SLC27A5: variants seen among roughly 807,000 people sequenced by gnomAD.
The protein encoded by SLC27A5 is solute carrier family 27 member 5.
In SLC27A5, 47 loss-of-function variants were observed where a neutral mutation model predicts 63.1. The observed-to-expected ratio is 0.74, with a 90% CI of 0.59 to 0.95. The LOEUF is 0.95. Among genes scored for constraint, SLC27A5 ranks in the 40% least tolerant of loss-of-function variants. SLC27A5 has a pLI of 0.00. For missense variants in SLC27A5, 940 were observed against 921.0 expected (o/e 1.02, Z -0.27); for synonymous variants, 391 against 403.8 (o/e 0.97, Z 0.38).
At chr19:58,501,260 A>G in intron 4 of SLC27A5, 26 bp downstream of exon 4, 1 of 1,609,408 alleles carries the variant, frequency 6.2e-7, no homozygotes, top group East Asian at 2.2e-5. Context: ...GGTGTTCACC[A>G]TGGAGCCCTA....
rs180673903 is a variant in SLC27A5 at position 58,503,165 on chromosome 19, A to G, written c.1058-1755T>C. Among the ~76,000 whole-genome samples, 338 of 151,164 alleles carry G rather than the reference A, an allele frequency of 2.2e-3. 2 individuals are homozygous for G. The East Asian group carries it at 0.024, about 11-fold the overall frequency. Reference sequence around the variant, plus strand: ...GCTTGCAGTGAGCCGAGATAGCGCCACTGCACTCCAGCCTGGGCGACAGAG... The same window carrying G: ...GCTTGCAGTGAGCCGAGATAGCGCCGCTGCACTCCAGCCTGGGCGACAGAG... On this transcript the variant is annotated intron_variant, in intron 3 of 9. Transcript: ENST00000263093.
At chr19:58,501,251 G>T (rs2053270312) in intron 4 of SLC27A5, 35 bp downstream of exon 4, 2 of 1,602,908 alleles carry the variant, frequency 1.2e-6, no homozygotes, top group East Asian at 4.5e-5. Context: ...TCATACTTGG[G>T]TGTTCACCAT....
chr19:58,511,866 G>A lies in SLC27A5; in HGVS notation c.90C>T (p.Ala30=), dbSNP rs968262270. The A allele has an allele frequency of 6.4e-7, 1 of 1,555,652 alleles. No individual in the cohort carries two copies. The highest frequency in any genetic ancestry group is 8.7e-7 in the Non-Finnish European group (1 of 1,149,988). The change falls in exon 1 of 10, where the codon GCC becomes GCT. Residue 30 remains alanine (A), a synonymous_variant. Coordinates refer to ENST00000263093, the MANE Select transcript of SLC27A5 (RefSeq NM_012254.3). ...CCCCCAGGAGCCAGCGCAGGGTCAA[G>A]GCCACAGCGACTGGCCACACTGGCT... The part of the protein sequence containing the change: ...LGQPVWPVAV[A]LTLRWLLGDP...
chr19:58,500,799 C>T lies in SLC27A5; in HGVS notation c.1183-93G>A, dbSNP rs2053266280. 3.9e-6 allele frequency: 6 copies of T among 1,529,880 alleles called. No homozygotes were observed. In the Admixed American group the frequency reaches 1.2e-4, roughly 29 times the overall value. 94.8% of individuals were successfully genotyped at this position (1,529,880 alleles called of 1,614,324 possible). On this transcript the variant is annotated intron_variant, in intron 4 of 9. Transcript: ENST00000263093. Reference sequence around the variant, plus strand: ...GAGGGGGTGTTATCCTGGGTCCTTACCTTGGGAGTTACCTGGAAGGTGATG... The same window carrying T: ...GAGGGGGTGTTATCCTGGGTCCTTATCTTGGGAGTTACCTGGAAGGTGATG...
chr19:58,506,203 A>T (rs1282344658), intron 3 of SLC27A5, among the ~76,000 whole-genome samples: 1 of 151,864 alleles, frequency 6.6e-6, no homozygotes, highest in Non-Finnish European at 1.5e-5. Flanking sequence ...CAGGGATTAT[A>T]GGCATGAGGA....
Position 58,510,183 on chromosome 19 carries a change from T to C in SLC27A5, c.899-178A>G, listed in dbSNP as rs2053394125. On this transcript the variant is annotated intron_variant, in intron 2 of 9. Coordinates refer to ENST00000263093, the MANE Select transcript of SLC27A5 (RefSeq NM_012254.3). ...GGCTGAATTTGGACTGAAAGTAATA[T>C]GTCAAGATCAAAGGTTTCAGTGGCT... is the stretch of plus-strand genomic sequence containing the variant. 7.0e-6 allele frequency: 4 copies of C among 568,612 alleles called. No individual in the cohort carries two copies. The South Asian group carries it at 1.0e-4, about 15-fold the overall frequency. The allele number at this position is 568,612 out of a possible 1,614,324, so 35.2% of individuals were successfully genotyped here.
chr19:58,500,505 C>T lies in SLC27A5; in HGVS notation c.1377+7G>A. On this transcript the variant is annotated splice_region_variant and intron_variant, in intron 5 of 9. Coordinates refer to ENST00000263093, the MANE Select transcript of SLC27A5 (RefSeq NM_012254.3). ...GGCAGCTGCACACCAGGTACCCGCACACTCACTCGGAGGAGGCAGCTCATC... is the reference window on the plus strand; with the variant it reads ...GGCAGCTGCACACCAGGTACCCGCATACTCACTCGGAGGAGGCAGCTCATC... The T allele has an allele frequency of 6.2e-7, 1 of 1,613,942 alleles. No homozygotes were observed.
At position 58,500,637 on chromosome 19, in the gene SLC27A5, T is replaced by A. The variant is rs1337405166; in HGVS notation, c.1252A>T (p.Thr418Ser). ...ATAGGACCGAAGCGCTGCTGGAAGG[T>A]CTCCCACACATCAGCCCGTAGTCCA... ...GNGLRADVWE[T>S]FQQRFGPIRI... The change falls in exon 5 of 10, where the codon ACC becomes TCC. Residue 418 changes from threonine (T) to serine (S), a missense_variant. Physicochemically the swap from Thr to Ser is moderately conservative, Grantham distance 58 (BLOSUM62 1). Transcript: ENST00000263093. 1 of 1,614,052 alleles carries A rather than the reference T, an allele frequency of 6.2e-7. No individual in the cohort carries two copies. The highest frequency in any genetic ancestry group is 1.7e-5 in the Admixed American group (1 of 59,976).
intron 3 of SLC27A5, among the ~76,000 whole-genome samples, chr19:58,507,075 T>G (rs567043375): frequency 6.7e-6 from 1 of 150,228 alleles, no homozygotes; most frequent in South Asian, 2.2e-4. Flanking sequence ...AAAGAAAAAT[T>G]TGGCCGGGCG....
intron 1 of SLC27A5, 79 bp downstream of exon 1, chr19:58,511,189 T>C: frequency 7.0e-7 from 1 of 1,429,366 alleles, no homozygotes; most frequent in Non-Finnish European, 9.3e-7. Context: ...CAAGGGCCTC[T>C]GCCAGTCCCA....
chr19:58,500,879 GA>G, intron 4 of SLC27A5, 173 bp from the exon 5 acceptor site: 1 of 1,427,622 alleles, frequency 7.0e-7, no homozygotes, highest in African/African-American at 1.4e-5. Context: ...GTAGTTACTG[GA>G]GTCTTAAATA....
chr19:58,509,311 A>C (rs2053383563), intron 3 of SLC27A5: 1 of 147,352 alleles, frequency 6.8e-6, no homozygotes, highest in Non-Finnish European at 1.5e-5. Context: ...GCTTGAACCC[A>C]GGAGGCAGAG....
rs773882107 is a variant in SLC27A5 at position 58,500,592 on chromosome 19, C to G, written c.1297G>C (p.Gly433Arg). 1 of 1,613,986 alleles carries G rather than the reference C, an allele frequency of 6.2e-7. No individual in the cohort carries two copies. Among genetic ancestry groups the G allele is most frequent in the African/African-American group, 1.3e-5 (1 of 74,912 alleles). The change falls in exon 5 of 10, where the codon GGC (glycine) becomes CGC (arginine). Residue 433 changes from glycine (G) to arginine (R), a missense_variant. Gly to Arg is a moderately radical substitution (Grantham distance 125, BLOSUM62 -2). Coordinates refer to ENST00000263093, the MANE Select transcript of SLC27A5 (RefSeq NM_012254.3). ...FGPIRIWEVY[G>R]STEGNMGLVN... is the part of the protein sequence containing the mutation. ...AAGCCCATGTTGCCTTCTGTGGAGC[C>G]GTAGACTTCCCAGATCCGAATAGGA... is the stretch of plus-strand genomic sequence containing the variant.
intron 3 of SLC27A5, among the ~76,000 whole-genome samples, chr19:58,505,528 C>T (rs1332483965): frequency 6.6e-6 from 1 of 151,726 alleles, no homozygotes; most frequent in East Asian, 2.0e-4. Context: ...CCACTGGGCA[C>T]AGCCTAAACT....
intron 2 of SLC27A5, 138 bp downstream of exon 2, chr19:58,510,583 A>G (rs558142917): frequency 4.9e-5 from 40 of 816,850 alleles, no homozygotes; most frequent in South Asian, 2.9e-4. Context: ...CGAAAAAAAA[A>G]ACAGCCAAAC....
chr19:58,509,969 A>T lies in SLC27A5; in HGVS notation c.935T>A (p.Val312Glu). The change falls in exon 3 of 10, where the codon GTA (valine) becomes GAA (glutamate). Residue 312 changes from valine to glutamate, a missense_variant. Physicochemically the swap from Val to Glu is moderately radical, Grantham distance 121. Coordinates refer to ENST00000263093, the MANE Select transcript of SLC27A5 (RefSeq NM_012254.3). ...GGACAGCATCTTGCTCATCTGCAGT[A>T]CCCGCTCATGCGTGAGGATGGCTGG... is the stretch of plus-strand genomic sequence containing the variant. Reference protein sequence around the residue: ...PKPAILTHERVLQMSKMLSLS... With the variant: ...PKPAILTHERELQMSKMLSLS... 6.2e-7 allele frequency: 1 copy of T among 1,613,898 alleles called. No individual in the cohort carries two copies. The highest frequency in any genetic ancestry group is 8.5e-7 in the Non-Finnish European group (1 of 1,179,948).
intron 3 of SLC27A5, among the ~76,000 whole-genome samples, chr19:58,505,848 CAA>C (rs34890544): frequency 1.4e-4 from 12 of 83,534 alleles, no homozygotes; most frequent in Admixed American, 4.1e-4. Context: ...AACCCCGACT[CAA>C]AAAAAAAAAA....
intron 3 of SLC27A5, among the ~76,000 whole-genome samples, chr19:58,504,112 C>A (rs552632886): frequency 6.6e-6 from 1 of 152,110 alleles, no homozygotes; most frequent in Admixed American, 6.6e-5. Context: ...AAGACTCTGT[C>A]TCTAAAAACA....
Position 58,510,801 on chromosome 19 carries a change from G to A in SLC27A5, c.818C>T (p.Ser273Phe), listed in dbSNP as rs1476352422. 2 of 1,613,568 alleles carry A rather than the reference G, an allele frequency of 1.2e-6. No individual in the cohort carries two copies. The highest frequency in any genetic ancestry group is 1.7e-5 in the Admixed American group (1 of 59,956). ...ACGCAGGTCAGCAGGCACTGGGTGG[G>A]AGGGCGCTGCATCCAGGGCAGCCCC... ...ALGAALDAAP[S>F]HPVPADLRAG... is the part of the protein sequence containing the mutation. The change falls in exon 2 of 10, where the codon TCC (serine) becomes TTC (phenylalanine). Residue 273 changes from serine (S) to phenylalanine (F), a missense_variant. Ser to Phe is a radical substitution (Grantham distance 155). Coordinates refer to ENST00000263093, the MANE Select transcript of SLC27A5 (RefSeq NM_012254.3).
Sources: gnomAD v4.1 joint callset for allele counts (sites outside exome capture counted in the v4.1 genomes callset) on GRCh38, gnomAD v4.1.1 for gene constraint, MANE v1.5 for transcripts, NCBI Gene and HGNC (gene_info 2026-07-23, HGNC 2026-07-21) for gene names.